PDLIM5: variants seen among roughly 807,000 people sequenced by gnomAD.
PDLIM5 encodes the protein PDZ and LIM domain 5.
In PDLIM5, 34 loss-of-function variants were observed where a neutral mutation model predicts 64.2. That is an observed-to-expected ratio of 0.53 (90% CI 0.40 to 0.71). PDLIM5 has a LOEUF of 0.71. PDLIM5 is among the 30% of genes least tolerant of loss of function. The probability of loss-of-function intolerance (pLI) is 0.00; values close to 1 mark genes in which losing one functional copy is unlikely to be tolerated. For missense variants in PDLIM5, 683 were observed against 733.6 expected, an observed-to-expected ratio of 0.93 and a Z score of 0.80; for synonymous variants, 253 against 269.1, an observed-to-expected ratio of 0.94 and a Z score of 0.59.
intron 2 of PDLIM5, among the ~76,000 whole-genome samples, chr4:94,477,754 G>C (rs1181034375): frequency 2.0e-5 from 3 of 152,036 alleles, no homozygotes; most frequent in Non-Finnish European, 4.4e-5. Flanking sequence ...GTGCTTGCCT[G>C]TCCTGCCTCC....
At chr4:94,633,863 T>C (rs1437683533) in intron 8 of PDLIM5, among the ~76,000 whole-genome samples, 1 of 152,216 alleles carries the variant, frequency 6.6e-6, no homozygotes, top group Non-Finnish European at 1.5e-5. Flanking sequence ...GAAAGCTACA[T>C]TGATAATACG....
intron 7 of PDLIM5, among the ~76,000 whole-genome samples, chr4:94,600,896 A>T (rs997531648): frequency 1.3e-5 from 2 of 152,232 alleles, no homozygotes; most frequent in Admixed American, 6.5e-5. Context: ...CATTTTCTAT[A>T]TAGAGATCAA....
intron 2 of PDLIM5, among the ~76,000 whole-genome samples, chr4:94,465,772 A>G (rs184594176): frequency 2.4e-4 from 37 of 152,230 alleles, no homozygotes; most frequent in African/African-American, 8.2e-4. Flanking sequence ...AACATGCCCA[A>G]AGTTACACAG....
At chr4:94,625,419 A>G (rs1050388474) in intron 8 of PDLIM5, among the ~76,000 whole-genome samples, 38 of 151,756 alleles carry the variant, frequency 2.5e-4, no homozygotes, top group African/African-American at 7.8e-4. Flanking sequence ...ATGGCGATAT[A>G]CTCAAGGCAG....
rs1743136985 is a variant in PDLIM5 at position 94,667,580 on chromosome 4, T to C, written c.*3513T>C. The stretch of plus-strand genomic sequence containing the variant: ...TAAGGGACTTGAACATCATGGACTT[T>C]AGTATCCTAGGGGGTTCTTGGAACC... On this transcript the variant is annotated 3_prime_UTR_variant, in exon 13 of 13. Transcript: ENST00000317968. The C allele has an allele frequency of 6.6e-6, 1 of 152,144 alleles. No homozygotes were observed. Among genetic ancestry groups the C allele is most frequent in the Non-Finnish European group, 1.5e-5 (1 of 68,004 alleles). The allele number at this position is 152,144 out of a possible 1,614,324, so 9.4% of individuals were successfully genotyped here.
intron 2 of PDLIM5, among the ~76,000 whole-genome samples, chr4:94,467,943 C>T: frequency 6.6e-6 from 1 of 152,238 alleles, no homozygotes; most frequent in East Asian, 1.9e-4. Flanking sequence ...TCCCTATCTT[C>T]ACATCCCTTA....
chr4:94,586,841 T>G (rs1055001960), intron 7 of PDLIM5: 12 of 681,390 alleles, frequency 1.8e-5, no homozygotes, highest in Admixed American at 3.4e-5. Flanking sequence ...CCCTTAAAAT[T>G]TTTGCCACTT....
intron 3 of PDLIM5, among the ~76,000 whole-genome samples, chr4:94,531,476 T>G (rs922596519): frequency 6.6e-6 from 1 of 152,202 alleles, no homozygotes; most frequent in Non-Finnish European, 1.5e-5. Context: ...GGAGTTGTTT[T>G]GGGCCACACA....
intron 3 of PDLIM5, among the ~76,000 whole-genome samples, chr4:94,527,031 G>A (rs1437095743): frequency 2.1e-5 from 3 of 144,660 alleles, no homozygotes; most frequent in Admixed American, 7.0e-5. Context: ...CATTGCGCCC[G>A]GCCTGAACAG....
intron 3 of PDLIM5, among the ~76,000 whole-genome samples, chr4:94,568,558 T>C (rs1734535393): frequency 6.6e-6 from 1 of 152,260 alleles, no homozygotes. Context: ...TAAATACTAT[T>C]TAGAAAAATG....
At chr4:94,620,554 T>C (rs1413490197) in intron 8 of PDLIM5, among the ~76,000 whole-genome samples, 1 of 151,788 alleles carries the variant, frequency 6.6e-6, no homozygotes, top group Non-Finnish European at 1.5e-5. Flanking sequence ...AAAAAAATGG[T>C]CACTCATTAT....
At chr4:94,494,176 C>CAGCCTCTGTTACTGCTTG (rs1254853057) in intron 2 of PDLIM5, among the ~76,000 whole-genome samples, 2 of 151,996 alleles carry the variant, frequency 1.3e-5, no homozygotes, top group Non-Finnish European at 2.9e-5. Context: ...CTCTGTTACC[C>CAGCCTCTGTTACTGCTTG]AGGCTGGTCT....
At chr4:94,642,204 G>T (rs1167854789) in intron 9 of PDLIM5, among the ~76,000 whole-genome samples, 1 of 152,164 alleles carries the variant, frequency 6.6e-6, no homozygotes, top group Admixed American at 6.5e-5. Context: ...GGAGACAGGA[G>T]TCACTGCTGT....
intron 7 of PDLIM5, among the ~76,000 whole-genome samples, chr4:94,615,655 T>G (rs1442632905): frequency 6.6e-6 from 1 of 152,202 alleles, no homozygotes; most frequent in Non-Finnish European, 1.5e-5. Flanking sequence ...GAAATATAAC[T>G]GAGCCTTCCA....
At chr4:94,547,912 G>C (rs560988182) in intron 3 of PDLIM5, among the ~76,000 whole-genome samples, 2 of 152,272 alleles carry the variant, frequency 1.3e-5, no homozygotes, top group South Asian at 4.1e-4. Context: ...GAAAATGTCA[G>C]TGTTTGCCAT....
intron 3 of PDLIM5, among the ~76,000 whole-genome samples, chr4:94,562,312 T>G: frequency 6.6e-6 from 1 of 152,184 alleles, no homozygotes. Context: ...GTTTTTGTTT[T>G]GCAAATAAAA....
intron 8 of PDLIM5, among the ~76,000 whole-genome samples, chr4:94,623,164 C>T (rs1213872159): frequency 7.7e-6 from 1 of 129,718 alleles, no homozygotes; most frequent in Non-Finnish European, 1.6e-5. Flanking sequence ...TGTGATGTCC[C>T]TGCTTGAAAA....
chr4:94,623,108 A>G (rs1039142409), intron 8 of PDLIM5, among the ~76,000 whole-genome samples: 2 of 152,200 alleles, frequency 1.3e-5, no homozygotes, highest in African/African-American at 4.8e-5. Context: ...CCTTTTCTTG[A>G]TGGCATTAAT....
chr4:94,560,178 G>C (rs1390678657), intron 3 of PDLIM5, among the ~76,000 whole-genome samples: 1 of 152,134 alleles, frequency 6.6e-6, no homozygotes, highest in Non-Finnish European at 1.5e-5. Context: ...AAGGGCCTGG[G>C]GGGAATTCAG....
Sources: gnomAD v4.1 joint callset for allele counts (sites outside exome capture counted in the v4.1 genomes callset) on GRCh38, gnomAD v4.1.1 for gene constraint, MANE v1.5 for transcripts, NCBI Gene and HGNC (gene_info 2026-07-23, HGNC 2026-07-21) for gene names.